Variants in NLRP5 observed in about 807,000 individuals in gnomAD.
The protein encoded by NLRP5 is NACHT, LRR and PYD domains-containing protein 5.
Under a neutral mutation model 113.1 loss-of-function variants are expected in NLRP5, and 93 were observed. The observed-to-expected ratio is 0.82, with a 90% CI of 0.70 to 0.98. NLRP5 has a LOEUF of 0.98. NLRP5 is among the 50% of genes least tolerant of loss of function. The pLI is 0.00. For missense variants in NLRP5, 1,808 were observed against 1,514.3 expected (o/e 1.19, Z -3.22); for synonymous variants, 751 against 600.7 (o/e 1.25, Z -3.66).
intron 2 of NLRP5, among the ~76,000 whole-genome samples, chr19:56,008,119 G>A (rs1346177738): frequency 1.3e-5 from 2 of 149,382 alleles, no homozygotes; most frequent in African/African-American, 4.9e-5. Flanking sequence ...TAGTAGAGAC[G>A]GGGTTTCACC....
intron 4 of NLRP5, 184 bp from the exon 5 acceptor site, chr19:56,019,158 C>T: frequency 1.5e-6 from 1 of 654,710 alleles, no homozygotes; most frequent in South Asian, 2.0e-5. Flanking sequence ...GGACCCTCAC[C>T]CTCAAGCTTT....
In NLRP5 at chr19:56,053,743, T is replaced by C. The variant is rs748950183; in HGVS notation, c.3234T>C (p.Gly1078=). The C allele has an allele frequency of 1.9e-5, 30 of 1,613,922 alleles. No homozygotes were observed. The highest frequency in any genetic ancestry group is 2.5e-5 in the Non-Finnish European group (30 of 1,179,876). ...TGGATCTCACGGACAATGCCCTGGG[T>C]GACGGTGGGGTTGCTGCGCTGTGCG... Residue 1078 remains glycine, a synonymous_variant, in exon 13 of 15, where the codon GGT becomes GGC. Coordinates refer to ENST00000390649, the MANE Select transcript of NLRP5 (RefSeq NM_153447.4).
chr19:56,004,969 CTGTA>C (rs1981798385), intron 2 of NLRP5, among the ~76,000 whole-genome samples: 1 of 151,656 alleles, frequency 6.6e-6, no homozygotes, highest in African/African-American at 2.4e-5. Context: ...TGGCACATGC[CTGTA>C]ATCCCAGCTA....
intron 2 of NLRP5, 104 bp from the exon 3 acceptor site, chr19:56,008,684 T>A (rs937187166): frequency 1.1e-5 from 11 of 985,488 alleles, no homozygotes; most frequent in Admixed American, 2.0e-5. Flanking sequence ...CTGAGGTTTG[T>A]CTTGGTTCCC....
chr19:56,040,256 T>C (rs1429515945), intron 10 of NLRP5, among the ~76,000 whole-genome samples: 1 of 152,064 alleles, frequency 6.6e-6, no homozygotes, highest in Non-Finnish European at 1.5e-5. Context: ...CTAAGTGTAC[T>C]TTTAAATTGG....
intron 10 of NLRP5, among the ~76,000 whole-genome samples, chr19:56,039,293 A>G (rs1022163076): frequency 6.6e-6 from 1 of 152,164 alleles, no homozygotes; most frequent in Non-Finnish European, 1.5e-5. Flanking sequence ...TGGCCAGCCA[A>G]ATCTAAATTA....
chr19:56,003,563 T>C (rs1279694435), intron 1 of NLRP5, among the ~76,000 whole-genome samples, 173 bp from the exon 2 acceptor site: 1 of 152,228 alleles, frequency 6.6e-6, no homozygotes, highest in African/African-American at 2.4e-5. Context: ...CAACAAAATG[T>C]CCCAGCACTG....
chr19:56,005,254 TTTATA>T (rs1981830470), intron 2 of NLRP5, among the ~76,000 whole-genome samples: 1 of 124,426 alleles, frequency 8.0e-6, no homozygotes, highest in African/African-American at 3.0e-5. Context: ...CACATATATA[TTTATA>T]TATACACATA....
chr19:55,994,639 A>G, the NLRP5 span, among the ~76,000 whole-genome samples: 2 of 152,118 alleles, frequency 1.3e-5, no homozygotes, highest in South Asian at 4.1e-4. Context: ...CTCATGATCC[A>G]CCTGCCTTGG....
At chr19:56,056,672 A>G (rs537543185) in intron 13 of NLRP5, among the ~76,000 whole-genome samples, 31 of 152,264 alleles carry the variant, frequency 2.0e-4, no homozygotes, top group Middle Eastern at 3.4e-3. Context: ...ACCATCACTG[A>G]TTTACCTCTC....
chr19:56,012,049 A>G (rs1173346140), intron 3 of NLRP5, among the ~76,000 whole-genome samples: 2 of 152,070 alleles, frequency 1.3e-5, no homozygotes, highest in Non-Finnish European at 2.9e-5. Context: ...TGGTGAATCT[A>G]TTTAGTCTAA....
intron 13 of NLRP5, among the ~76,000 whole-genome samples, chr19:56,055,222 C>G (rs1375937349): frequency 1.3e-5 from 2 of 151,858 alleles, no homozygotes; most frequent in East Asian, 3.9e-4. Flanking sequence ...AAACTTCTGA[C>G]CTCAAGTGAT....
chr19:56,005,911 G>C (rs1422858295), intron 2 of NLRP5, among the ~76,000 whole-genome samples: 1 of 152,140 alleles, frequency 6.6e-6, no homozygotes, highest in East Asian at 1.9e-4. Flanking sequence ...TGTGATAGAG[G>C]ATCTTACAAG....
chr19:56,046,399 C>CATGTGTGT (rs1555770181), intron 11 of NLRP5, among the ~76,000 whole-genome samples: 1 of 148,070 alleles, frequency 6.8e-6, no homozygotes, highest in African/African-American at 2.5e-5. Context: ...TTTGTAGTTT[C>CATGTGTGT]GTGTGTGTGT....
the NLRP5 span, among the ~76,000 whole-genome samples, chr19:55,991,877 T>A: frequency 6.6e-6 from 1 of 152,206 alleles, no homozygotes; most frequent in African/African-American, 2.4e-5. Context: ...ATTCTTTTTT[T>A]ACTTTTTAGT....
the NLRP5 span, chr19:55,988,448 A>G: frequency 8.2e-6 from 1 of 122,130 alleles, no homozygotes; most frequent in Non-Finnish European, 1.7e-5. Flanking sequence ...GTGTGTGTAT[A>G]TATATATATA....
intron 14 of NLRP5, among the ~76,000 whole-genome samples, chr19:56,058,672 G>A (rs941276924): frequency 6.6e-6 from 1 of 152,138 alleles, no homozygotes; most frequent in Non-Finnish European, 1.5e-5. Context: ...CGTTATAAAT[G>A]TTTATGCTGA....
upstream of NLRP5, among the ~76,000 whole-genome samples, chr19:55,997,179 GGTT>G (rs1260808441): frequency 6.6e-6 from 1 of 151,876 alleles, no homozygotes; most frequent in Non-Finnish European, 1.5e-5. Context: ...TTTTTGATGG[GGTT>G]GTTTGTTTTT....
intron 10 of NLRP5, 90 bp downstream of exon 10, chr19:56,038,285 T>TGA: frequency 7.2e-7 from 1 of 1,385,056 alleles, no homozygotes; most frequent in Non-Finnish European, 1.0e-6. Context: ...GGGAGGGAAA[T>TGA]GAGCAGATGT....
Sources: allele counts gnomAD v4.1 joint callset (sites outside exome capture counted in the v4.1 genomes callset), GRCh38; gene constraint gnomAD v4.1.1; transcripts MANE v1.5; gene names NCBI Gene and HGNC (gene_info 2026-07-23, HGNC 2026-07-21).